Variants in CADM1 observed in about 807,000 individuals in gnomAD.
CADM1 encodes TSLC-1.
In CADM1, 15 loss-of-function variants were observed where a neutral mutation model predicts 53.1. The ratio of observed to expected loss-of-function variants is 0.28; its 90% CI spans 0.19 to 0.44. The LOEUF is 0.44. Ranked by LOEUF, CADM1 falls within the 20% of genes least tolerant of loss-of-function variation. The pLI is 1.00. For missense variants in CADM1, 434 were observed against 611.3 expected (o/e 0.71, Z 3.06); for synonymous variants, 281 against 243.0 (o/e 1.16, Z -1.45).
chr11:115,400,631 T>A (rs1226607144), intron 1 of CADM1, among the ~76,000 whole-genome samples: 2 of 129,246 alleles, frequency 1.5e-5, no homozygotes, highest in African/African-American at 6.0e-5. Context: ...TATATATGTA[T>A]CATATATATG....
intron 1 of CADM1, among the ~76,000 whole-genome samples, chr11:115,490,670 T>C (rs562560111): frequency 1.3e-5 from 2 of 152,280 alleles, no homozygotes; most frequent in African/African-American, 4.8e-5. Context: ...AGTGCTGGGA[T>C]TACAGGCGAG....
chr11:115,271,468 G>C lies in CADM1; in HGVS notation c.125-31048C>G, dbSNP rs181205155. Among the ~76,000 whole-genome samples, 342 of 152,246 alleles carry C rather than the reference G, an allele frequency of 2.2e-3. 1 individual carries two copies. Among genetic ancestry groups the C allele is most frequent in the African/African-American group, 7.9e-3 (328 of 41,550 alleles). On this transcript the variant is annotated intron_variant, in intron 1 of 11. Coordinates refer to ENST00000331581, the MANE Select transcript of CADM1 (RefSeq NM_001301043.2). ...CAGCTAATTTTTTGTATTTTTAGTA[G>C]AGACACGGTTTCACCGTGTTAGCCA...
intron 1 of CADM1, among the ~76,000 whole-genome samples, chr11:115,350,007 T>C (rs1250857475): frequency 1.3e-5 from 2 of 152,208 alleles, no homozygotes; most frequent in Non-Finnish European, 2.9e-5. Flanking sequence ...GTTTCGCTCT[T>C]GTGGCCCAGG....
chr11:115,392,157 G>A (rs1476123328), intron 1 of CADM1, among the ~76,000 whole-genome samples: 1 of 151,610 alleles, frequency 6.6e-6, no homozygotes, highest in African/African-American at 2.4e-5. Flanking sequence ...TTTTTCCATA[G>A]TTGCTGTCAT....
At chr11:115,201,258 T>C (rs1388322168) in intron 8 of CADM1, among the ~76,000 whole-genome samples, 2 of 152,040 alleles carry the variant, frequency 1.3e-5, no homozygotes, top group Admixed American at 6.6e-5. Context: ...GCAAGATTGA[T>C]GGTGTGTCTG....
At chr11:115,381,520 G>A (rs1946579282) in intron 1 of CADM1, among the ~76,000 whole-genome samples, 1 of 152,116 alleles carries the variant, frequency 6.6e-6, no homozygotes, top group South Asian at 2.1e-4. Flanking sequence ...GATAAACCTA[G>A]GTTCATAGCT....
At chr11:115,433,834 A>G (rs564814866) in intron 1 of CADM1, among the ~76,000 whole-genome samples, 1 of 152,244 alleles carries the variant, frequency 6.6e-6, no homozygotes, top group Admixed American at 6.5e-5. Flanking sequence ...ACATTTTAGG[A>G]TGCCTTTTAT....
chr11:115,386,616 T>C (rs1171888573), intron 1 of CADM1, among the ~76,000 whole-genome samples: 1 of 146,266 alleles, frequency 6.8e-6, no homozygotes, highest in African/African-American at 2.5e-5. Flanking sequence ...TTCCGCTTCT[T>C]ATAAAGCCAC....
At chr11:115,262,076 T>C (rs902835642) in intron 1 of CADM1, among the ~76,000 whole-genome samples, 3 of 152,038 alleles carry the variant, frequency 2.0e-5, no homozygotes, top group Admixed American at 2.0e-4. Flanking sequence ...ACCGAAGATA[T>C]TTTTACGATT....
At chr11:115,226,464 CA>C (rs1941611749) in intron 5 of CADM1, among the ~76,000 whole-genome samples, 1 of 152,130 alleles carries the variant, frequency 6.6e-6, no homozygotes, top group African/African-American at 2.4e-5. Context: ...CAATGATCCC[CA>C]AAAGGTTAAG....
At chr11:115,481,782 T>C (rs1949262866) in intron 1 of CADM1, among the ~76,000 whole-genome samples, 1 of 152,144 alleles carries the variant, frequency 6.6e-6, no homozygotes, top group Non-Finnish European at 1.5e-5. Context: ...CCTAAACATA[T>C]CCTGAAACCA....
intron 4 of CADM1, among the ~76,000 whole-genome samples, 162 bp downstream of exon 4, chr11:115,231,191 T>C (rs1941800263): frequency 6.6e-6 from 1 of 152,256 alleles, no homozygotes; most frequent in Non-Finnish European, 1.5e-5. Flanking sequence ...AATAAAATGC[T>C]TTTATGCTTT....
intron 1 of CADM1, among the ~76,000 whole-genome samples, chr11:115,503,829 TG>T (rs1949789656): frequency 7.8e-6 from 1 of 128,286 alleles, no homozygotes; most frequent in South Asian, 2.5e-4. Context: ...GATGGAGAAC[TG>T]GGGGGGCCCT....
At chr11:115,331,903 G>A (rs973028737) in intron 1 of CADM1, among the ~76,000 whole-genome samples, 5 of 146,536 alleles carry the variant, frequency 3.4e-5, no homozygotes, top group Admixed American at 6.9e-5. Context: ...GTTCAACACA[G>A]CCCTAAGCTT....
Position 115,174,802 on chromosome 11 carries a change from A to G in CADM1, c.*1672T>C. ...ATGCCATCTTTCCATAGGGACTGTT[A>G]GCTGGAGTCTGGAGTCTTACCAAAC... On this transcript the variant is annotated 3_prime_UTR_variant, in exon 12 of 12. Transcript: ENST00000331581. 1.0e-6 allele frequency: 1 copy of G among 964,388 alleles called. No homozygotes were observed. The highest frequency in any genetic ancestry group is 1.2e-6 in the Non-Finnish European group (1 of 810,702). 59.7% of individuals were successfully genotyped at this position (964,388 alleles called of 1,614,324 possible).
intron 1 of CADM1, among the ~76,000 whole-genome samples, chr11:115,493,104 T>C (rs1949535491): frequency 6.6e-6 from 1 of 151,876 alleles, no homozygotes. Flanking sequence ...ATTCCAGGTA[T>C]GGGGGCAGGA....
At chr11:115,228,283 C>T (rs986199969) in intron 5 of CADM1, among the ~76,000 whole-genome samples, 1 of 152,176 alleles carries the variant, frequency 6.6e-6, no homozygotes, top group African/African-American at 2.4e-5. Context: ...TTTTAAGCTA[C>T]CAAGTTTGTG....
intron 8 of CADM1, among the ~76,000 whole-genome samples, chr11:115,200,881 AAAT>A (rs1433279941): frequency 6.6e-6 from 1 of 152,328 alleles, no homozygotes; most frequent in South Asian, 2.1e-4. Flanking sequence ...GAGTCATCAA[AAAT>A]AATATCAGCA....
chr11:115,503,283 G>A (rs935695439), intron 1 of CADM1, among the ~76,000 whole-genome samples: 2 of 152,200 alleles, frequency 1.3e-5, no homozygotes, highest in Admixed American at 1.3e-4. Flanking sequence ...GCCACACATC[G>A]GGCTCCAGCC....
Sources: gnomAD v4.1 joint callset for allele counts (sites outside exome capture counted in the v4.1 genomes callset) on GRCh38, gnomAD v4.1.1 for gene constraint, MANE v1.5 for transcripts, NCBI Gene and HGNC (gene_info 2026-07-23, HGNC 2026-07-21) for gene names.